Variants in FHIT observed in about 807,000 individuals in gnomAD.
FHIT encodes the protein bis(5'-adenosyl)-triphosphatase.
A neutral mutation model predicts 17.9 loss-of-function variants in FHIT; 19 were observed. The ratio of observed to expected loss-of-function variants is 1.06; its 90% CI spans 0.74 to 1.56. The LOEUF (loss-of-function observed/expected upper bound fraction) is 1.56. FHIT is among the 40% of genes most tolerant of loss of function. The pLI is 0.00. For synonymous variants in FHIT, 81 were observed against 69.7 expected (o/e 1.16, Z -0.81); for missense variants, 248 against 189.2 (o/e 1.31, Z -1.82).
intron 4 of FHIT, among the ~76,000 whole-genome samples, chr3:60,641,418 C>T (rs1553685255): frequency 6.6e-6 from 1 of 152,090 alleles, no homozygotes; most frequent in Admixed American, 6.6e-5. Flanking sequence ...CTATTCTTTG[C>T]ACTTTGAAGA....
At chr3:59,975,051 C>T (rs1708349711) in intron 7 of FHIT, among the ~76,000 whole-genome samples, 1 of 151,820 alleles carries the variant, frequency 6.6e-6, no homozygotes, top group Non-Finnish European at 1.5e-5. Context: ...TTTTGTGGGC[C>T]CTCATTCCCC....
At chr3:59,823,995 A>G (rs1051515458) in intron 8 of FHIT, among the ~76,000 whole-genome samples, 1 of 152,224 alleles carries the variant, frequency 6.6e-6, no homozygotes, top group Non-Finnish European at 1.5e-5. Flanking sequence ...TGAATTCAAC[A>G]AAGTTTCAAG....
At chr3:60,256,402 A>G (rs1201519468) in intron 5 of FHIT, among the ~76,000 whole-genome samples, 1 of 152,176 alleles carries the variant, frequency 6.6e-6, no homozygotes, top group African/African-American at 2.4e-5. Context: ...CCAGAACTGT[A>G]AGCAATAAAT....
chr3:60,586,331 TAGAC>T (rs1420944312), intron 4 of FHIT, among the ~76,000 whole-genome samples: 2 of 152,036 alleles, frequency 1.3e-5, no homozygotes, highest in Non-Finnish European at 2.9e-5. Flanking sequence ...CTCATCAAAA[TAGAC>T]AGATGTGCTC....
chr3:60,572,803 G>A (rs2037431390), intron 4 of FHIT, among the ~76,000 whole-genome samples: 2 of 152,144 alleles, frequency 1.3e-5, no homozygotes, highest in South Asian at 2.1e-4. Context: ...TGTTGGCTGG[G>A]GAGATGGAAA....
chr3:59,989,720 G>C (rs776910996), intron 7 of FHIT, among the ~76,000 whole-genome samples: 2 of 151,968 alleles, frequency 1.3e-5, no homozygotes, highest in Non-Finnish European at 2.9e-5. Flanking sequence ...CTCAGGGAAC[G>C]TGAAGCTTCC....
chr3:60,386,406 A>G (rs1229379652), intron 5 of FHIT, among the ~76,000 whole-genome samples: 1 of 152,216 alleles, frequency 6.6e-6, no homozygotes, highest in Non-Finnish European at 1.5e-5. Context: ...CAAGGCAATG[A>G]CTATCGAAGT....
chr3:59,939,545 T>G (rs6762119), intron 7 of FHIT, among the ~76,000 whole-genome samples: 21,981 of 152,150 alleles, frequency 0.14, 1,850 homozygotes, highest in Middle Eastern at 0.24. Flanking sequence ...GATTTTTCTA[T>G]GCCTTTTAAC....
In FHIT at chr3:60,896,569, A is replaced by G. The variant is rs1705833716; in HGVS notation, c.-110-74558T>C. ...TTCAGAATTGTCCCACAAATAACACAACCAAGAACAAATGTATAAAGTTCA... is the reference window on the plus strand; with the variant it reads ...TTCAGAATTGTCCCACAAATAACACGACCAAGAACAAATGTATAAAGTTCA... On this transcript the variant is annotated intron_variant, in intron 3 of 9. Coordinates refer to ENST00000492590, the MANE Select transcript of FHIT (RefSeq NM_002012.4). 3.3e-5 allele frequency among the ~76,000 whole-genome samples: 5 copies of G among 152,160 alleles called. No individual in the cohort carries two copies. In the South Asian group the frequency reaches 1.0e-3, roughly 32 times the overall value.
chr3:60,794,909 C>A (rs1700921812), intron 4 of FHIT, among the ~76,000 whole-genome samples: 2 of 152,148 alleles, frequency 1.3e-5, no homozygotes, highest in African/African-American at 4.8e-5. Flanking sequence ...TACTGTGTAT[C>A]AAATTCAAAA....
In FHIT at chr3:59,842,739, G is replaced by T. The variant is rs535107727; in HGVS notation, c.348+79607C>A. On this transcript the variant is annotated intron_variant, in intron 8 of 9. Coordinates refer to ENST00000492590, the MANE Select transcript of FHIT (RefSeq NM_002012.4). ...AGAAGTGTCTATTCTAGTCCTTTGC[G>T]CATTTTTGAATCAGTGATTTTTGTT... Among the ~76,000 whole-genome samples, 20 of 152,048 alleles carry T rather than the reference G, an allele frequency of 1.3e-4. No individual in the cohort carries two copies. In the South Asian group the frequency reaches 1.9e-3, roughly 14 times the overall value.
chr3:60,816,906 C>T (rs1169006370), intron 4 of FHIT, among the ~76,000 whole-genome samples: 1 of 151,958 alleles, frequency 6.6e-6, no homozygotes, highest in Non-Finnish European at 1.5e-5. Flanking sequence ...GATATGGTTG[C>T]ATTTAGAGCT....
Position 60,014,128 on chromosome 3 carries a change from G to T in FHIT, c.128C>A (p.Pro43Gln). 1 of 1,614,032 alleles carries T rather than the reference G, an allele frequency of 6.2e-7. No individual in the cohort carries two copies. The highest frequency in any genetic ancestry group is 8.5e-7 in the Non-Finnish European group (1 of 1,179,966). ...ACGCAGGTCATGGAAGCGCTCCACT[G>T]GCCGCAGCGGGCACACAAGGACATC... ...PGHVLVCPLR[P>Q]VERFHDLRPD... is the part of the protein sequence containing the mutation. Residue 43 changes from proline (P) to glutamine (Q), a missense_variant, in exon 6 of 10, where the codon CCA (proline) becomes CAA (glutamine). By Grantham distance (76) the Pro-to-Gln change is moderately conservative (BLOSUM62 -1). Coordinates refer to ENST00000492590, the MANE Select transcript of FHIT (RefSeq NM_002012.4).
intron 5 of FHIT, among the ~76,000 whole-genome samples, chr3:60,405,755 C>T (rs989290000): frequency 6.6e-6 from 1 of 152,190 alleles, no homozygotes; most frequent in Non-Finnish European, 1.5e-5. Flanking sequence ...GTGCTACAGG[C>T]ATCTACTGAG....
At chr3:61,239,899 T>C (rs961398436) in intron 1 of FHIT, among the ~76,000 whole-genome samples, 1 of 151,770 alleles carries the variant, frequency 6.6e-6, no homozygotes, top group African/African-American at 2.4e-5. Context: ...CAGCAACATA[T>C]ATATCACCTG....
At chr3:60,739,157 C>T (rs1228766110) in intron 4 of FHIT, among the ~76,000 whole-genome samples, 1 of 152,196 alleles carries the variant, frequency 6.6e-6, no homozygotes, top group African/African-American at 2.4e-5. Flanking sequence ...GAGCCACCTC[C>T]ACCACTGAAT....
At chr3:59,930,902 C>T (rs925144885) in intron 7 of FHIT, among the ~76,000 whole-genome samples, 2 of 152,120 alleles carry the variant, frequency 1.3e-5, no homozygotes, top group Admixed American at 6.5e-5. Context: ...TTTCCCAGAT[C>T]TCAGAAAGGT....
At position 60,432,903 on chromosome 3, in the gene FHIT, G is replaced by C. The variant is rs182063759; in HGVS notation, c.103+103957C>G. Among the ~76,000 whole-genome samples, 1,013 of 113,028 alleles carry C rather than the reference G, an allele frequency of 9.0e-3. 5 individuals are homozygous for C. Among genetic ancestry groups the C allele is most frequent in the South Asian group, 0.019 (43 of 2,244 alleles). The allele number at this position is 113,028 out of a possible 152,430, so 74.2% of individuals were successfully genotyped here. A position where few individuals can be genotyped will look rare whatever the true frequency, so the allele number is the denominator to read the frequency against. Reference sequence around the variant, plus strand: ...AAGATTAAAACACATCAAAACATTTGCTAGAAGAATTGTCTTTTTTTTTTT... The same window carrying C: ...AAGATTAAAACACATCAAAACATTTCCTAGAAGAATTGTCTTTTTTTTTTT... On this transcript the variant is annotated intron_variant, in intron 5 of 9. Coordinates refer to ENST00000492590, the MANE Select transcript of FHIT (RefSeq NM_002012.4).
At chr3:60,705,925 T>G (rs2107921407) in intron 4 of FHIT, among the ~76,000 whole-genome samples, 1 of 152,316 alleles carries the variant, frequency 6.6e-6, no homozygotes, top group African/African-American at 2.4e-5. Context: ...ATATTATAAC[T>G]ATATTATTTT....
Sources: gnomAD v4.1 joint callset for allele counts (sites outside exome capture counted in the v4.1 genomes callset) on GRCh38, gnomAD v4.1.1 for gene constraint, MANE v1.5 for transcripts, NCBI Gene and HGNC (gene_info 2026-07-23, HGNC 2026-07-21) for gene names.